The following IL1A variants were observed in gnomAD, a reference collection of about 807,000 sequenced individuals.
IL1A encodes interleukin-1 alpha.
IL1A carries 16 observed loss-of-function variants against 22.2 expected under a neutral mutation model. The ratio of observed to expected loss-of-function variants is 0.72; its 90% CI spans 0.49 to 1.09. The LOEUF (loss-of-function observed/expected upper bound fraction) is 1.09, where lower values mean the gene tolerates loss of function less well. Ranked by LOEUF, IL1A falls within the 50% of genes least tolerant of loss-of-function variation. The probability of loss-of-function intolerance (pLI) is 0.00; values close to 1 mark genes in which losing one functional copy is unlikely to be tolerated. For synonymous variants in IL1A, 113 were observed against 118.5 expected, an observed-to-expected ratio of 0.95 and a Z score of 0.30; for missense variants, 317 against 321.8, an observed-to-expected ratio of 0.99 and a Z score of 0.11.
chr2:112,775,102 T>TA lies in IL1A; in HGVS notation c.780dup (p.Ile261TyrfsTer3). On this transcript the variant is annotated frameshift_variant, in exon 7 of 7. Transcript: ENST00000263339. LOFTEE classifies it low-confidence loss of function (END_TRUNC). ...TTTTCCAGTATCTGAAAGTCAGTGA[T>TA]AGAGGGTGGCCCCCCTGCCAAGCAC... is the stretch of plus-strand genomic sequence containing the variant. 6.2e-7 allele frequency: 1 copy of TA among 1,614,194 alleles called. No individual in the cohort carries two copies. Among genetic ancestry groups the TA allele is most frequent in the Non-Finnish European group, 8.5e-7 (1 of 1,180,014 alleles).
At chr2:112,784,101 C>T (rs1681260169) in intron 1 of IL1A, among the ~76,000 whole-genome samples, 1 of 152,188 alleles carries the variant, frequency 6.6e-6, no homozygotes, top group Non-Finnish European at 1.5e-5. Flanking sequence ...ATTTGCCTTA[C>T]ACAGAGGTAA....
At chr2:112,782,392 C>T (rs1681225907) in intron 3 of IL1A, among the ~76,000 whole-genome samples, 1 of 152,214 alleles carries the variant, frequency 6.6e-6, no homozygotes, top group African/African-American at 2.4e-5. Context: ...CACAACACAT[C>T]ACGTTAGGAG....
At chr2:112,779,412 T>C in intron 5 of IL1A, 84 bp downstream of exon 5, 1 of 1,175,618 alleles carries the variant, frequency 8.5e-7, no homozygotes, top group Non-Finnish European at 1.2e-6. Flanking sequence ...GTATGTTTTT[T>C]GCAAGCAGAA....
chr2:112,776,361 G>A lies in IL1A; in HGVS notation c.616-1094C>T, dbSNP rs77870014. On this transcript the variant is annotated intron_variant, in intron 6 of 6. Coordinates refer to ENST00000263339, the MANE Select transcript of IL1A (RefSeq NM_000575.5). ...CCCCAGTTCCAAGAATGCTTCTTCT[G>A]ATCCTTGGAGCTGTCCTTTACCATC... Among the ~76,000 whole-genome samples, 448 of 151,714 alleles carry A rather than the reference G, an allele frequency of 3.0e-3. 3 individuals are homozygous for A. Among genetic ancestry groups the A allele is most frequent in the African/African-American group, 0.01 (427 of 41,034 alleles).
intron 4 of IL1A, 149 bp downstream of exon 4, chr2:112,781,454 TA>T (rs1681196763): frequency 1.5e-6 from 1 of 664,316 alleles, no homozygotes; most frequent in African/African-American, 1.8e-5. Context: ...TGGAGAAGGA[TA>T]AAAATTAATT....
chr2:112,777,588 C>T (rs1270617129), intron 6 of IL1A, among the ~76,000 whole-genome samples: 1 of 152,134 alleles, frequency 6.6e-6, no homozygotes, highest in Non-Finnish European at 1.5e-5. Context: ...TTGCTTTGTG[C>T]CCATTGGCAG....
intron 6 of IL1A, among the ~76,000 whole-genome samples, chr2:112,777,395 A>G (rs1681118153): frequency 6.6e-6 from 1 of 152,226 alleles, no homozygotes; most frequent in African/African-American, 2.4e-5. Context: ...TGGATTATAT[A>G]CTTACAAATT....
intron 4 of IL1A, among the ~76,000 whole-genome samples, chr2:112,780,836 C>T (rs1005278233): frequency 2.6e-5 from 4 of 152,020 alleles, no homozygotes; most frequent in Admixed American, 1.3e-4. Flanking sequence ...ATGGAGACCA[C>T]GGTGAAACTC....
intron 3 of IL1A, 105 bp downstream of exon 3, chr2:112,782,611 G>A (rs1681231736): frequency 1.2e-6 from 1 of 827,220 alleles, no homozygotes; most frequent in Non-Finnish European, 2.0e-6. Flanking sequence ...CTCTAGTGAG[G>A]GTAAAACAAA....
At chr2:112,782,319 C>G (rs555161298) in intron 3 of IL1A, among the ~76,000 whole-genome samples, 1 of 152,352 alleles carries the variant, frequency 6.6e-6, no homozygotes, top group Admixed American at 6.5e-5. Flanking sequence ...CTTGCTTCCT[C>G]TCTCTCAGCT....
intron 3 of IL1A, 24 bp downstream of exon 3, chr2:112,782,692 T>C: frequency 6.5e-7 from 1 of 1,547,048 alleles, no homozygotes; most frequent in Non-Finnish European, 8.9e-7. Flanking sequence ...AGCAGTCCCA[T>C]GAGAATTACA....
chr2:112,782,796 T>C, intron 2 of IL1A, 32 bp from the exon 3 acceptor site: 1 of 1,546,894 alleles, frequency 6.5e-7, no homozygotes, highest in African/African-American at 1.4e-5. Context: ...AATGTAATTG[T>C]TGTTATTTCA....
intron 5 of IL1A, 149 bp downstream of exon 5, chr2:112,779,347 G>A (rs1681154688): frequency 5.6e-6 from 3 of 537,390 alleles, no homozygotes; most frequent in South Asian, 4.0e-5. Flanking sequence ...TTTTTATGGG[G>A]GTGCTGTGCT....
chr2:112,779,187 C>T (rs1558770166), intron 5 of IL1A, among the ~76,000 whole-genome samples: 1 of 152,096 alleles, frequency 6.6e-6, no homozygotes. Context: ...ACAGTTTCCT[C>T]AGTTTTAAAA....
chr2:112,783,703 G>C, intron 2 of IL1A, 21 bp downstream of exon 2: 1 of 1,604,138 alleles, frequency 6.2e-7, no homozygotes, highest in Non-Finnish European at 8.5e-7. Flanking sequence ...TAAATCACAA[G>C]AGATAAATCT....
chr2:112,774,034 C>T lies in IL1A; in HGVS notation c.*1033G>A, dbSNP rs1440347228. On this transcript the variant is annotated 3_prime_UTR_variant, in exon 7 of 7. Coordinates refer to ENST00000263339, the MANE Select transcript of IL1A (RefSeq NM_000575.5). ...CACAATTTTTAGAACCTAGAAGAAA[C>T]ATTGATTACATTCCAGAAAAGAAAG... 6.6e-6 allele frequency: 1 copy of T among 152,110 alleles called. No homozygotes were observed. The highest frequency in any genetic ancestry group is 1.5e-5 in the Non-Finnish European group (1 of 68,022). The allele number at this position is 152,110 out of a possible 1,614,324, so 9.4% of individuals were successfully genotyped here.
At chr2:112,778,607 G>T (rs1304890758) in intron 5 of IL1A, among the ~76,000 whole-genome samples, 1 of 152,046 alleles carries the variant, frequency 6.6e-6, no homozygotes, top group Non-Finnish European at 1.5e-5. Flanking sequence ...ATTCCTCTTT[G>T]GGATGTGCTC....
rs559273731 is a variant in IL1A at position 112,783,622 on chromosome 2, C to T, written c.47+102G>A. ...CAGGACTAGTACACATCTCTACAACCTCTGCCGGCCTGCCCCCATGCTGGC... is the reference window on the plus strand; with the variant it reads ...CAGGACTAGTACACATCTCTACAACTTCTGCCGGCCTGCCCCCATGCTGGC... On this transcript the variant is annotated intron_variant, in intron 2 of 6. Coordinates refer to ENST00000263339, the MANE Select transcript of IL1A (RefSeq NM_000575.5). 8 of 940,550 alleles carry T rather than the reference C, an allele frequency of 8.5e-6. No homozygotes were observed. In the East Asian group the frequency reaches 9.7e-5, roughly 11 times the overall value. 58.3% of individuals were successfully genotyped at this position (940,550 alleles called of 1,614,324 possible).
intron 3 of IL1A, 95 bp downstream of exon 3, chr2:112,782,621 A>T: frequency 2.2e-6 from 2 of 913,400 alleles, no homozygotes; most frequent in Non-Finnish European, 3.6e-6. Context: ...GGTAAAACAA[A>T]AGTATTGAAG....
Sources: gnomAD v4.1 joint callset for allele counts (sites outside exome capture counted in the v4.1 genomes callset) on GRCh38, gnomAD v4.1.1 for gene constraint, MANE v1.5 for transcripts, NCBI Gene and HGNC (gene_info 2026-07-23, HGNC 2026-07-21) for gene names.